DCLK2: variants seen among roughly 807,000 people sequenced by gnomAD.
DCLK2 encodes the protein doublecortin like kinase 2.
A neutral mutation model predicts 78.4 loss-of-function variants in DCLK2; 31 were observed. The observed-to-expected ratio is 0.40, with a 90% CI of 0.30 to 0.53. The LOEUF (loss-of-function observed/expected upper bound fraction) is 0.53, where lower values mean the gene tolerates loss of function less well. Ranked by LOEUF, DCLK2 falls within the 20% of genes least tolerant of loss-of-function variation. The pLI, the probability that DCLK2 is intolerant of heterozygous loss-of-function variation, is 0.61. For missense variants in DCLK2, 872 were observed against 973.7 expected (o/e 0.90, Z 1.39); for synonymous variants, 407 against 374.9 (o/e 1.09, Z -0.99).
intron 2 of DCLK2, among the ~76,000 whole-genome samples, chr4:150,169,765 C>T (rs547978534): frequency 6.6e-6 from 1 of 151,938 alleles, no homozygotes; most frequent in African/African-American, 2.4e-5. Context: ...TTATTGGTTA[C>T]AGCTGGGCAT....
chr4:150,167,863 C>T (rs1560827846), intron 2 of DCLK2, among the ~76,000 whole-genome samples: 1 of 152,152 alleles, frequency 6.6e-6, no homozygotes, highest in East Asian at 1.9e-4. Flanking sequence ...TATGACCTTC[C>T]TCTAGGAATG....
intron 5 of DCLK2, among the ~76,000 whole-genome samples, chr4:150,213,738 A>G (rs558928081): frequency 3.5e-4 from 54 of 152,356 alleles, no homozygotes; most frequent in Non-Finnish European, 6.9e-4. Flanking sequence ...ATGTTACTCT[A>G]GTTATATAAT....
chr4:150,256,222 G>C lies in DCLK2; in HGVS notation c.2276G>C (p.Gly759Ala). The change falls in exon 16 of 16, where the codon GGA becomes GCA. Residue 759 changes from glycine (G) to alanine (A), a missense_variant. By Grantham distance (60) the Gly-to-Ala change is moderately conservative. This residue lies in a region of DCLK2 where 219 missense variants were observed against 230.1 expected (regional missense o/e 0.95). Coordinates refer to ENST00000296550, the MANE Select transcript of DCLK2 (RefSeq NM_001040260.4). ...GCTGCCCCGGGTGGTGAGCGGGCAG[G>C]AACCTGGCGCCGCCACCGAGACTGA... ...PPAAPGGERA[G>A]TWRRHRD is the part of the protein sequence containing the mutation. 6.5e-7 allele frequency: 1 copy of C among 1,527,602 alleles called. No homozygotes were observed. 94.6% of individuals were successfully genotyped at this position (1,527,602 alleles called of 1,614,324 possible). A position where few individuals can be genotyped will look rare whatever the true frequency, so the allele number is the denominator to read the frequency against.
intron 2 of DCLK2, among the ~76,000 whole-genome samples, chr4:150,132,809 G>A (rs1005747969): frequency 6.6e-6 from 1 of 152,070 alleles, no homozygotes; most frequent in South Asian, 2.1e-4. Context: ...TTTACTTTTT[G>A]TAGAGACGGG....
chr4:150,233,456 G>A lies in DCLK2; in HGVS notation c.1566+628G>A, dbSNP rs150785372. ...GATGGTACTGACTTAAAGGTGAGCA[G>A]GAAAATTATTTTATAGGGCAGAAAA... On this transcript the variant is annotated intron_variant, in intron 10 of 15. Coordinates refer to ENST00000296550, the MANE Select transcript of DCLK2 (RefSeq NM_001040260.4). Among the ~76,000 whole-genome samples, 7 of 152,234 alleles carry A rather than the reference G, an allele frequency of 4.6e-5. No homozygotes were observed. The East Asian group carries it at 7.7e-4, about 17-fold the overall frequency.
chr4:150,248,260 C>T lies in DCLK2; in HGVS notation c.1876-45C>T, dbSNP rs771655208. 5 of 1,533,720 alleles carry T rather than the reference C, an allele frequency of 3.3e-6. No individual in the cohort carries two copies. In the South Asian group the frequency reaches 3.4e-5, roughly 10 times the overall value. ...ATTTCTGTATTTATGCTGGAATTAC[C>T]TCCTTTCTCCTCCTCTGTGGTCTGA... On this transcript the variant is annotated intron_variant, in intron 13 of 15. Transcript: ENST00000296550.
At chr4:150,206,078 G>A (rs1451072550) in intron 5 of DCLK2, among the ~76,000 whole-genome samples, 1 of 152,090 alleles carries the variant, frequency 6.6e-6, no homozygotes, top group East Asian at 1.9e-4. Context: ...TTGCCACTAG[G>A]CCAGTTGGTG....
chr4:150,150,824 G>C (rs1258075298), intron 2 of DCLK2, among the ~76,000 whole-genome samples: 1 of 152,242 alleles, frequency 6.6e-6, no homozygotes, highest in Non-Finnish European at 1.5e-5. Context: ...TTAATGTGCT[G>C]TGAGTGTCCT....
intron 2 of DCLK2, among the ~76,000 whole-genome samples, chr4:150,114,476 C>T (rs781407398): frequency 1.3e-5 from 2 of 152,098 alleles, no homozygotes; most frequent in African/African-American, 2.4e-5. Context: ...TTTTCTTCAT[C>T]GTGGTATTTT....
chr4:150,195,759 C>T (rs1457911174), intron 3 of DCLK2, among the ~76,000 whole-genome samples: 2 of 151,320 alleles, frequency 1.3e-5, no homozygotes, highest in East Asian at 1.9e-4. Context: ...TGAACAGGGC[C>T]TGCAATAGTT....
chr4:150,216,763 G>C (rs1359428015), intron 5 of DCLK2, among the ~76,000 whole-genome samples: 1 of 152,164 alleles, frequency 6.6e-6, no homozygotes, highest in Admixed American at 6.5e-5. Flanking sequence ...TCCCAGAGAA[G>C]ACACTCAGCA....
Position 150,247,516 on chromosome 4 carries a change from T to G in DCLK2, c.1779-87T>G, listed in dbSNP as rs560998558. 5.5e-6 allele frequency: 6 copies of G among 1,093,656 alleles called. No individual in the cohort carries two copies. In the African/African-American group the frequency reaches 7.7e-5, roughly 14 times the overall value. The allele number at this position is 1,093,656 out of a possible 1,614,324, so 67.7% of individuals were successfully genotyped here. ...CCCAAGTCAAAGCCAGAGACTGGAC[T>G]CCTTTCCCCGCTCTTCCTGTGGACA... On this transcript the variant is annotated intron_variant, in intron 12 of 15. Transcript: ENST00000296550.
At chr4:150,158,517 C>G (rs1735479343) in intron 2 of DCLK2, among the ~76,000 whole-genome samples, 4 of 152,164 alleles carry the variant, frequency 2.6e-5, no homozygotes, top group African/African-American at 9.7e-5. Context: ...ATTTTGCTTA[C>G]TGGATAGAGT....
chr4:150,080,770 T>C (rs79352672), intron 1 of DCLK2, among the ~76,000 whole-genome samples: 2,970 of 152,218 alleles, frequency 0.02, 32 homozygotes, highest in Non-Finnish European at 0.031. Flanking sequence ...AAACTAAAGG[T>C]CGTTGAGTTT....
chr4:150,117,891 A>G (rs1732217913), intron 2 of DCLK2, among the ~76,000 whole-genome samples: 2 of 152,142 alleles, frequency 1.3e-5, no homozygotes, highest in African/African-American at 2.4e-5. Flanking sequence ...TTGTCTTTTC[A>G]CGTGGTAGAG....
chr4:150,192,492 A>AAAC (rs1442186645), intron 2 of DCLK2, among the ~76,000 whole-genome samples: 3 of 151,534 alleles, frequency 2.0e-5, no homozygotes, highest in Non-Finnish European at 4.4e-5. Context: ...AAAAAAAAAA[A>AAAC]AAACAAGTGA....
chr4:150,211,743 C>A (rs1361097796), intron 5 of DCLK2, among the ~76,000 whole-genome samples: 4 of 152,126 alleles, frequency 2.6e-5, no homozygotes, highest in African/African-American at 7.2e-5. Flanking sequence ...TAGAATCCCA[C>A]CCCTGTGGAC....
chr4:150,255,729 T>C (rs1423888255), intron 15 of DCLK2, among the ~76,000 whole-genome samples: 1 of 152,172 alleles, frequency 6.6e-6, no homozygotes, highest in Non-Finnish European at 1.5e-5. Flanking sequence ...GGGCTTGGGC[T>C]GAAGGGGTGA....
At chr4:150,179,327 C>A (rs972668051) in intron 2 of DCLK2, among the ~76,000 whole-genome samples, 1 of 152,170 alleles carries the variant, frequency 6.6e-6, no homozygotes, top group Admixed American at 6.5e-5. Flanking sequence ...TGCGCCCAGC[C>A]AAGATTTCTT....
Sources: gnomAD v4.1 joint callset for allele counts (sites outside exome capture counted in the v4.1 genomes callset) on GRCh38, gnomAD v4.1.1 for gene constraint, gnomAD v4.1.1 regional missense constraint, MANE v1.5 for transcripts, NCBI Gene and HGNC (gene_info 2026-07-23, HGNC 2026-07-21) for gene names.